The following GABRA2 variants were observed in gnomAD, a reference collection of about 807,000 sequenced individuals.
The protein encoded by GABRA2 is gamma-aminobutyric acid type A receptor subunit alpha2.
In GABRA2, 16 loss-of-function variants were observed where a neutral mutation model predicts 48.7. That is an observed-to-expected ratio of 0.33 (90% CI 0.22 to 0.50). The LOEUF (loss-of-function observed/expected upper bound fraction) is 0.50. GABRA2 is among the 20% of genes least tolerant of loss of function. GABRA2 has a pLI of 0.98. For missense variants in GABRA2, 275 were observed against 535.6 expected, an observed-to-expected ratio of 0.51 and a Z score of 4.80; for synonymous variants, 185 against 184.5, an observed-to-expected ratio of 1.00 and a Z score of -0.02.
At chr4:46,282,253 G>C (rs375789667) in intron 8 of GABRA2, among the ~76,000 whole-genome samples, 1 of 152,070 alleles carries the variant, frequency 6.6e-6, no homozygotes, top group Middle Eastern at 3.2e-3. Context: ...CTGGCTCAAG[G>C]AGTGGCCTGT....
intron 3 of GABRA2, among the ~76,000 whole-genome samples, chr4:46,385,849 G>C (rs1717374427): frequency 6.6e-6 from 1 of 151,806 alleles, no homozygotes; most frequent in South Asian, 2.1e-4. Flanking sequence ...AGAAAGTCTG[G>C]GCTCCATATG....
rs1713443520 is a variant in GABRA2 at position 46,244,986 on chromosome 4, T to G, written c.*5322A>C. Among the ~76,000 whole-genome samples, 1 of 151,420 alleles carries G rather than the reference T, an allele frequency of 6.6e-6. No homozygotes were observed. Among genetic ancestry groups the G allele is most frequent in the Non-Finnish European group, 1.5e-5 (1 of 67,566 alleles). On this transcript the variant is annotated 3_prime_UTR_variant, in exon 10 of 10. Transcript: ENST00000381620. ...CAAAAGGCATGAATATAAATTTGAA[T>G]TAAAGCAAAGAAAAAACACAGGTTT... is the stretch of plus-strand genomic sequence containing the variant.
chr4:46,358,939 G>A (rs1012518496), intron 3 of GABRA2, among the ~76,000 whole-genome samples: 1 of 152,112 alleles, frequency 6.6e-6, no homozygotes, highest in South Asian at 2.1e-4. Context: ...TACCTTCACA[G>A]GTAATGGATA....
At chr4:46,294,268 T>C (rs1487684143) in intron 8 of GABRA2, among the ~76,000 whole-genome samples, 1 of 152,242 alleles carries the variant, frequency 6.6e-6, no homozygotes, top group Non-Finnish European at 1.5e-5. Context: ...CTGAACTTGC[T>C]TGCATGCCAG....
chr4:46,304,234 C>T (rs1263115253), intron 7 of GABRA2, among the ~76,000 whole-genome samples: 1 of 152,142 alleles, frequency 6.6e-6, no homozygotes, highest in Non-Finnish European at 1.5e-5. Context: ...ACTCAGTGCT[C>T]TCTGGCTCCA....
rs918515185 is a variant in GABRA2 at position 46,247,776 on chromosome 4, T to C, written c.*2532A>G. 1.8e-4 allele frequency among the ~76,000 whole-genome samples: 27 copies of C among 151,442 alleles called. No individual in the cohort carries two copies. The highest frequency in any genetic ancestry group is 6.5e-4 in the African/African-American group (27 of 41,476). ...ATTATAATTGTTACGAATCTTGTTC[T>C]ATAATTTAAAAGCAATTTCCACGGA... On this transcript the variant is annotated 3_prime_UTR_variant, in exon 10 of 10. Coordinates refer to ENST00000381620, the MANE Select transcript of GABRA2 (RefSeq NM_000807.4).
At chr4:46,387,619 G>A (rs1717646910) in intron 2 of GABRA2, among the ~76,000 whole-genome samples, 1 of 152,020 alleles carries the variant, frequency 6.6e-6, no homozygotes, top group Non-Finnish European at 1.5e-5. Flanking sequence ...ATTTGAAAGT[G>A]TTTCTTAATC....
chr4:46,310,619 A>G (rs752367125), intron 5 of GABRA2, among the ~76,000 whole-genome samples: 1 of 152,120 alleles, frequency 6.6e-6, no homozygotes, highest in African/African-American at 2.4e-5. Context: ...TATTGTCTCC[A>G]TTACCTCATC....
At chr4:46,298,572 C>A (rs1283914345) in intron 8 of GABRA2, among the ~76,000 whole-genome samples, 3 of 151,888 alleles carry the variant, frequency 2.0e-5, no homozygotes, top group African/African-American at 7.2e-5. Context: ...GTTCCTCCAC[C>A]CACTTATCCG....
rs183783512 is a variant in GABRA2 at position 46,371,959 on chromosome 4, T to G, written c.187+14115A>C. Among the ~76,000 whole-genome samples the G allele has an allele frequency of 2.6e-4, 40 of 152,310 alleles. 1 individual carries two copies. In the East Asian group the frequency reaches 4.8e-3, roughly 18 times the overall value. ...CTAATCACTTCCTTGCTGCACAAAG[T>G]GTGGCGCACAGAACAGCAGCACTGG... On this transcript the variant is annotated intron_variant, in intron 3 of 9. Coordinates refer to ENST00000381620, the MANE Select transcript of GABRA2 (RefSeq NM_000807.4).
chr4:46,301,413 G>A (rs989299094), intron 8 of GABRA2, among the ~76,000 whole-genome samples: 4 of 152,180 alleles, frequency 2.6e-5, no homozygotes, highest in Non-Finnish European at 5.9e-5. Flanking sequence ...AAACACCATA[G>A]TGACTTGCTA....
intron 3 of GABRA2, among the ~76,000 whole-genome samples, chr4:46,346,783 T>TACTA (rs1734210046): frequency 6.6e-6 from 1 of 151,606 alleles, no homozygotes; most frequent in South Asian, 2.1e-4. Flanking sequence ...CTGGAAGTCC[T>TACTA]AACCAGAGCA....
At chr4:46,359,123 A>G (rs148334068) in intron 3 of GABRA2, among the ~76,000 whole-genome samples, 1 of 152,336 alleles carries the variant, frequency 6.6e-6, no homozygotes, top group African/African-American at 2.4e-5. Flanking sequence ...AGAAGTGTTA[A>G]CCAAAAATAT....
intron 4 of GABRA2, among the ~76,000 whole-genome samples, chr4:46,314,036 G>T (rs1340786036): frequency 6.6e-6 from 1 of 152,036 alleles, no homozygotes; most frequent in Non-Finnish European, 1.5e-5. Context: ...CAGAGGCTCT[G>T]GGCTGTTAAT....
chr4:46,305,755 C>A (rs199852550), intron 6 of GABRA2, 44 bp from the exon 7 acceptor site: 7 of 1,420,908 alleles, frequency 4.9e-6, no homozygotes, highest in Non-Finnish European at 6.9e-6. Flanking sequence ...TTAGTAAGAA[C>A]CATCAATCTA....
chr4:46,377,629 G>T (rs900325560), intron 3 of GABRA2, among the ~76,000 whole-genome samples: 1 of 149,840 alleles, frequency 6.7e-6, no homozygotes, highest in Non-Finnish European at 1.5e-5. Context: ...CGCCCGGCTA[G>T]CCGCCCGGTC....
At chr4:46,291,955 A>G (rs1748964863) in intron 8 of GABRA2, among the ~76,000 whole-genome samples, 1 of 151,970 alleles carries the variant, frequency 6.6e-6, no homozygotes, top group Admixed American at 6.6e-5. Context: ...TTGACTGTTT[A>G]ATATAATTAG....
chr4:46,258,960 A>G (rs1442242113), intron 9 of GABRA2, among the ~76,000 whole-genome samples: 1 of 151,934 alleles, frequency 6.6e-6, no homozygotes, highest in Non-Finnish European at 1.5e-5. Context: ...AAAAGTTTGA[A>G]TACAGAAAAG....
At chr4:46,372,845 A>G (rs1055518851) in intron 3 of GABRA2, among the ~76,000 whole-genome samples, 1 of 152,176 alleles carries the variant, frequency 6.6e-6, no homozygotes, top group African/African-American at 2.4e-5. Flanking sequence ...GAGGGTGGGG[A>G]AAATTACAGA....
Sources: gnomAD v4.1 joint callset for allele counts (sites outside exome capture counted in the v4.1 genomes callset) on GRCh38, gnomAD v4.1.1 for gene constraint, MANE v1.5 for transcripts, NCBI Gene and HGNC (gene_info 2026-07-23, HGNC 2026-07-21) for gene names.